Variants in DCDC2C observed in about 807,000 individuals in gnomAD.
The protein encoded by DCDC2C is doublecortin domain-containing protein 2C.
A neutral mutation model predicts 45.0 loss-of-function variants in DCDC2C; 44 were observed. The observed-to-expected ratio is 0.98, with a 90% CI of 0.77 to 1.26. The LOEUF (loss-of-function observed/expected upper bound fraction) is 1.26. Ranked by LOEUF, DCDC2C falls within the 50% of genes most tolerant of loss-of-function variation. DCDC2C has a pLI of 0.00. For missense variants in DCDC2C, 447 were observed against 468.9 expected (o/e 0.95, Z 0.43); for synonymous variants, 187 against 178.8 (o/e 1.05, Z -0.37).
chr2:3,752,835 G>C lies in DCDC2C; in HGVS notation c.618G>C (p.Val206=). Residue 206 remains valine (V), a synonymous_variant, in exon 5 of 11, where the codon GTG becomes GTC. Coordinates refer to ENST00000399143, the MANE Select transcript of DCDC2C (RefSeq NM_001287444.2). The part of the protein sequence containing the change: ...DLQDNHFYVA[V]GLETFKYFPY... ...AAGACAATCACTTTTATGTTGCTGT[G>C]GGACTGGAGACCTTCAAATATTTTC... is the stretch of plus-strand genomic sequence containing the variant. The C allele has an allele frequency of 6.4e-7, 1 of 1,550,500 alleles. No homozygotes were observed.
intron 6 of DCDC2C, among the ~76,000 whole-genome samples, chr2:3,757,974 G>C (rs1254875081): frequency 6.6e-6 from 1 of 152,226 alleles, no homozygotes; most frequent in Admixed American, 6.5e-5. Context: ...GGTCAGGGGA[G>C]CTGGGCTCCC....
At chr2:3,718,697 C>T (rs137877618) in intron 2 of DCDC2C, among the ~76,000 whole-genome samples, 16 of 152,182 alleles carry the variant, frequency 1.1e-4, no homozygotes, top group African/African-American at 3.6e-4. Flanking sequence ...CACTCTGAAA[C>T]AAGCTCTGTG....
intron 6 of DCDC2C, among the ~76,000 whole-genome samples, chr2:3,755,319 G>A (rs1294515240): frequency 6.6e-6 from 1 of 152,142 alleles, no homozygotes; most frequent in Non-Finnish European, 1.5e-5. Flanking sequence ...ATACATGTTT[G>A]CATACGTGCA....
At chr2:3,705,042 A>C (rs1394460220) in intron 1 of DCDC2C, among the ~76,000 whole-genome samples, 1 of 152,190 alleles carries the variant, frequency 6.6e-6, no homozygotes, top group Non-Finnish European at 1.5e-5. Flanking sequence ...GGGCTGAGAT[A>C]AAAGTGAGAT....
Position 3,742,045 on chromosome 2 carries a change from G to A in DCDC2C, c.542G>A (p.Arg181Gln), listed in dbSNP as rs1211453184. ...GEKVFPLGGV[R>Q]KLFTMNGHLL... ...AAAGTCTTCCCTCTAGGAGGCGTTC[G>A]GAAGTAAGGAGACTCTCGCCTTTAG... is the stretch of plus-strand genomic sequence containing the variant. Residue 181 changes from arginine to glutamine, a missense_variant, in exon 4 of 11, where the codon CGG becomes CAG. Coordinates refer to ENST00000399143, the MANE Select transcript of DCDC2C (RefSeq NM_001287444.2). 20 of 1,536,812 alleles carry A rather than the reference G, an allele frequency of 1.3e-5. No homozygotes were observed. Among genetic ancestry groups the A allele is most frequent in the Non-Finnish European group, 1.7e-5 (19 of 1,141,620 alleles).
At chr2:3,819,580 T>C (rs1204815709) in intron 10 of DCDC2C, among the ~76,000 whole-genome samples, 1 of 152,230 alleles carries the variant, frequency 6.6e-6, no homozygotes, top group East Asian at 1.9e-4. Context: ...CTTTATTTAA[T>C]GTCAGGAGCA....
intron 10 of DCDC2C, among the ~76,000 whole-genome samples, chr2:3,812,547 AT>A (rs1474646109): frequency 1.3e-5 from 2 of 151,880 alleles, no homozygotes; most frequent in African/African-American, 4.8e-5. Flanking sequence ...GGATTCATTG[AT>A]TTTTTGGAGA....
chr2:3,780,779 T>C (rs1188399055), intron 9 of DCDC2C, among the ~76,000 whole-genome samples: 1 of 152,052 alleles, frequency 6.6e-6, no homozygotes, highest in Admixed American at 6.5e-5. Context: ...TTAAAAACAA[T>C]GAGATGGGGA....
chr2:3,721,727 A>T (rs1351938833), intron 2 of DCDC2C, among the ~76,000 whole-genome samples: 1 of 152,102 alleles, frequency 6.6e-6, no homozygotes, highest in African/African-American at 2.4e-5. Context: ...AGTGGGAGGG[A>T]TTGAATTATG....
At chr2:3,728,037 T>C (rs1668745328) in intron 3 of DCDC2C, among the ~76,000 whole-genome samples, 1 of 152,192 alleles carries the variant, frequency 6.6e-6, no homozygotes, top group Non-Finnish European at 1.5e-5. Context: ...TGGAAGGAAT[T>C]TTAGCGAGTT....
chr2:3,767,316 A>G (rs1041655887), intron 6 of DCDC2C, among the ~76,000 whole-genome samples: 3 of 152,224 alleles, frequency 2.0e-5, no homozygotes, highest in African/African-American at 4.8e-5. Flanking sequence ...TTCTCCTCAC[A>G]GACGCTCTCA....
At chr2:3,718,086 C>T (rs1668393542) in intron 2 of DCDC2C, among the ~76,000 whole-genome samples, 1 of 152,196 alleles carries the variant, frequency 6.6e-6, no homozygotes, top group Non-Finnish European at 1.5e-5. Context: ...CCTCTGAGGC[C>T]AGGAGTGGTG....
At chr2:3,784,506 C>T (rs1670597679) in intron 9 of DCDC2C, among the ~76,000 whole-genome samples, 1 of 151,770 alleles carries the variant, frequency 6.6e-6, no homozygotes, top group Admixed American at 6.6e-5. Context: ...GGGAGATTGA[C>T]TCTGATTTTG....
At chr2:3,793,706 C>A (rs1280844671) in intron 10 of DCDC2C, among the ~76,000 whole-genome samples, 1 of 152,252 alleles carries the variant, frequency 6.6e-6, no homozygotes, top group Non-Finnish European at 1.5e-5. Flanking sequence ...CATCCAGTGT[C>A]TATCAGGCAC....
intron 10 of DCDC2C, among the ~76,000 whole-genome samples, chr2:3,833,233 A>G (rs1671995504): frequency 6.6e-6 from 1 of 152,004 alleles, no homozygotes; most frequent in Non-Finnish European, 1.5e-5. Context: ...GATCCAGTAT[A>G]CTCGCCCTCT....
intron 10 of DCDC2C, among the ~76,000 whole-genome samples, chr2:3,815,986 G>A (rs1481423870): frequency 6.6e-6 from 1 of 151,918 alleles, no homozygotes; most frequent in Non-Finnish European, 1.5e-5. Context: ...TTGAAGCATT[G>A]GGGTGGCAAA....
intron 10 of DCDC2C, among the ~76,000 whole-genome samples, chr2:3,796,885 A>T (rs1431372289): frequency 6.6e-6 from 1 of 152,098 alleles, no homozygotes; most frequent in African/African-American, 2.4e-5. Flanking sequence ...TGGCTTCATA[A>T]AATGAGTTAC....
At chr2:3,713,361 G>A (rs1668269533) in intron 2 of DCDC2C, among the ~76,000 whole-genome samples, 1 of 152,170 alleles carries the variant, frequency 6.6e-6, no homozygotes, top group Admixed American at 6.5e-5. Flanking sequence ...AGCAGGATGG[G>A]GCACAGGGTT....
chr2:3,841,717 G>A (rs966312902), intron 10 of DCDC2C, among the ~76,000 whole-genome samples: 20 of 152,096 alleles, frequency 1.3e-4, no homozygotes, highest in Admixed American at 1.0e-3. Context: ...AAGTTAGCAC[G>A]CGGCGTGAGC....
Sources: gnomAD v4.1 joint callset for allele counts (sites outside exome capture counted in the v4.1 genomes callset) on GRCh38, gnomAD v4.1.1 for gene constraint, MANE v1.5 for transcripts, NCBI Gene and HGNC (gene_info 2026-07-23, HGNC 2026-07-21) for gene names.